MIDEAS: variants seen among roughly 807,000 people sequenced by gnomAD.
The protein encoded by MIDEAS is mitotic deacetylase-associated SANT domain protein.
Under a neutral mutation model 102.7 loss-of-function variants are expected in MIDEAS, and 26 were observed. The observed-to-expected ratio is 0.25, with a 90% CI of 0.19 to 0.35. The LOEUF (loss-of-function observed/expected upper bound fraction) is 0.35, where lower values mean the gene tolerates loss of function less well. Among genes scored for constraint, MIDEAS ranks in the 10% least tolerant of loss-of-function variants. The pLI, the probability that MIDEAS is intolerant of heterozygous loss-of-function variation, is 1.00. For synonymous variants in MIDEAS, 585 were observed against 591.0 expected, an observed-to-expected ratio of 0.99 and a Z score of 0.15; for missense variants, 1,231 against 1,435.6, an observed-to-expected ratio of 0.86 and a Z score of 2.30.
intron 1 of MIDEAS, among the ~76,000 whole-genome samples, chr14:73,748,694 G>A (rs2053383490): frequency 6.9e-6 from 1 of 145,316 alleles, no homozygotes; most frequent in Non-Finnish European, 1.5e-5. Context: ...ATTTGAACCT[G>A]AGAGGTGGAG....
intron 1 of MIDEAS, among the ~76,000 whole-genome samples, chr14:73,771,815 G>A (rs574294986): frequency 2.6e-5 from 4 of 152,332 alleles, no homozygotes; most frequent in Admixed American, 6.5e-5. Flanking sequence ...CAATGTAAGT[G>A]AGCAAGACGC....
rs892118831 is a variant in MIDEAS at position 73,716,750 on chromosome 14, T to C, written c.*2093A>G. 2.7e-5 allele frequency: 4 copies of C among 150,188 alleles called. No individual in the cohort carries two copies. The highest frequency in any genetic ancestry group is 9.9e-5 in the African/African-American group (4 of 40,520). The allele number at this position is 150,188 out of a possible 1,614,324, so 9.3% of individuals were successfully genotyped here. ...CAAGATGTTACCACTGACAAAAGGG[T>C]CTCATATGAATGATGGAGGTTTCTG... is the stretch of plus-strand genomic sequence containing the variant. On this transcript the variant is annotated 3_prime_UTR_variant, in exon 13 of 13. Transcript: ENST00000423556.
intron 1 of MIDEAS, among the ~76,000 whole-genome samples, chr14:73,745,507 C>G (rs2053339910): frequency 1.3e-5 from 2 of 152,220 alleles, no homozygotes; most frequent in South Asian, 4.1e-4. Flanking sequence ...CTGCCACCCC[C>G]ACCAGAGGAG....
At chr14:73,749,370 CAAAAA>C (rs66510432) in intron 1 of MIDEAS, among the ~76,000 whole-genome samples, 15 of 80,662 alleles carry the variant, frequency 1.9e-4, no homozygotes, top group East Asian at 5.8e-4. Context: ...CGTGTCTCTA[CAAAAA>C]AAAAAAAAAA....
intron 12 of MIDEAS, 36 bp downstream of exon 12, chr14:73,719,269 C>CG (rs2052948082): frequency 2.5e-6 from 4 of 1,600,276 alleles, no homozygotes; most frequent in Non-Finnish European, 3.4e-6. Flanking sequence ...CACCAGCCCG[C>CG]GGGGGTCCCA....
chr14:73,761,192 G>A (rs2140158275), upstream of MIDEAS, among the ~76,000 whole-genome samples: 1 of 152,264 alleles, frequency 6.6e-6, no homozygotes, highest in African/African-American at 2.4e-5. Context: ...CATGTGTCCT[G>A]GCAGCCACTT....
chr14:73,756,301 CGCGCGT>C (rs1422183272), intron 1 of MIDEAS, among the ~76,000 whole-genome samples: 927 of 85,434 alleles, frequency 0.011, 17 homozygotes, highest in African/African-American at 0.038. Flanking sequence ...TGTGTGCGCG[CGCGCGT>C]GCGCGCTGAG....
Position 73,738,925 on chromosome 14 carries a change from C to T in MIDEAS, c.1084G>A (p.Gly362Arg). 1.3e-6 allele frequency: 2 copies of T among 1,528,198 alleles called. No homozygotes were observed. The highest frequency in any genetic ancestry group is 1.8e-6 in the Non-Finnish European group (2 of 1,139,924). The allele number at this position is 1,528,198 out of a possible 1,614,324, so 94.7% of individuals were successfully genotyped here. A position where few individuals can be genotyped will look rare whatever the true frequency, so the allele number is the denominator to read the frequency against. ...TCCTGCCCAGGCTGGGTGCCAGCCC[C>T]ATCCAGGGCGCTGGGAGGCAGGATA... ...EGILPPSALD[G>R]AGTQPGQEAT... Residue 362 changes from glycine (G) to arginine (R), a missense_variant, in exon 2 of 13, where the codon GGG becomes AGG. Gly to Arg is a moderately radical substitution (Grantham distance 125). This residue lies in a region of MIDEAS where 758 missense variants were observed against 856.0 expected (regional missense o/e 0.89). Transcript: ENST00000423556.
At chr14:73,726,583 C>T in intron 7 of MIDEAS, 21 bp downstream of exon 7, 4 of 1,611,856 alleles carry the variant, frequency 2.5e-6, no homozygotes, top group Non-Finnish European at 2.5e-6. Flanking sequence ...GGCCCTCCCT[C>T]TGCTGGGGTT....
At chr14:73,769,042 C>T (rs561018242) in intron 1 of MIDEAS, among the ~76,000 whole-genome samples, 2 of 152,302 alleles carry the variant, frequency 1.3e-5, no homozygotes, top group Non-Finnish European at 2.9e-5. Flanking sequence ...CCTCTGAGTG[C>T]GTAACTCCTG....
chr14:73,759,422 T>G lies in MIDEAS; in HGVS notation c.-248+341A>C, dbSNP rs920218170. The stretch of plus-strand genomic sequence containing the variant: ...GGCCGCCGGGTGGGGAGGGCTTTCC[T>G]GGCGGGGCCGCGCCCGGGTGGGCGG... On this transcript the variant is annotated intron_variant, in intron 1 of 12. Coordinates refer to ENST00000423556, the MANE Select transcript of MIDEAS (RefSeq NM_001367710.1). This position sits in a 1 kb window ranked among gnomAD's most constrained non-coding sequence, Gnocchi z 6.7. Among the ~76,000 whole-genome samples, 1 of 150,376 alleles carries G rather than the reference T, an allele frequency of 6.6e-6. No individual in the cohort carries two copies. The highest frequency in any genetic ancestry group is 2.4e-5 in the African/African-American group (1 of 40,930).
At chr14:73,756,295 T>TGTGTGTGTGCGCGCGCGC (rs55692592) in intron 1 of MIDEAS, among the ~76,000 whole-genome samples, 2 of 127,626 alleles carry the variant, frequency 1.6e-5, no homozygotes, top group African/African-American at 5.4e-5. Flanking sequence ...TGTGTGTGTG[T>TGTGTGTGTGCGCGCGCGC]GCGCGCGCGC....
chr14:73,719,523 G>T, intron 11 of MIDEAS, 22 bp from the exon 12 acceptor site: 1 of 1,608,754 alleles, frequency 6.2e-7, no homozygotes, highest in Non-Finnish European at 8.5e-7. Flanking sequence ...CAAACAAGGA[G>T]AGTTGAGTGA....
At chr14:73,764,339 CAA>C (rs5809629), upstream of MIDEAS, among the ~76,000 whole-genome samples, 1,515 of 88,124 alleles carry the variant, frequency 0.017, 17 homozygotes, top group African/African-American at 0.063. Context: ...GACCCTGTCT[CAA>C]AAAAAAAAAA....
chr14:73,756,881 G>A (rs2053490267), intron 1 of MIDEAS, among the ~76,000 whole-genome samples: 1 of 152,226 alleles, frequency 6.6e-6, no homozygotes, highest in Non-Finnish European at 1.5e-5. Flanking sequence ...AACCAGTGAT[G>A]CAATCTGAGG....
intron 3 of MIDEAS, among the ~76,000 whole-genome samples, chr14:73,733,958 G>A (rs140821050): frequency 0.01 from 1,526 of 151,876 alleles, 20 homozygotes; most frequent in African/African-American, 0.035. Context: ...CTTCCAAAGT[G>A]CTGAGATTAC....
At chr14:73,777,007 T>C (rs542698248) in intron 1 of MIDEAS, among the ~76,000 whole-genome samples, 1 of 151,326 alleles carries the variant, frequency 6.6e-6, no homozygotes, top group Non-Finnish European at 1.5e-5. Context: ...GAGGCGGAGG[T>C]TGCAGTGAGC....
At position 73,739,285 on chromosome 14, in the gene MIDEAS, C is replaced by G. The variant is rs1186970194; in HGVS notation, c.724G>C (p.Ala242Pro). The G allele has an allele frequency of 1.2e-6, 2 of 1,611,694 alleles. No individual in the cohort carries two copies. Among genetic ancestry groups the G allele is most frequent in the Non-Finnish European group, 1.7e-6 (2 of 1,179,812 alleles). ...TGCTGCTGCTTCTGTGGAGGGAAGG[C>G]AGCCACCGGGTTTGGGGGCGGTGGG... ...QGPPPPNPVAAFPPQKQQQQQ... is the reference protein window; with the variant it reads ...QGPPPPNPVAPFPPQKQQQQQ... Residue 242 changes from alanine (A) to proline (P), a missense_variant, in exon 2 of 13, where the codon GCC becomes CCC. By Grantham distance (27) the Ala-to-Pro change is conservative. This residue lies in a region of MIDEAS where 758 missense variants were observed against 856.0 expected (regional missense o/e 0.89). Coordinates refer to ENST00000423556, the MANE Select transcript of MIDEAS (RefSeq NM_001367710.1).
chr14:73,753,549 G>C (rs574860103), intron 1 of MIDEAS, among the ~76,000 whole-genome samples: 2 of 152,346 alleles, frequency 1.3e-5, no homozygotes, highest in African/African-American at 4.8e-5. Context: ...GCCTGGCACA[G>C]GGTACGCACT....
Sources: allele counts gnomAD v4.1 joint callset (sites outside exome capture counted in the v4.1 genomes callset), GRCh38; gene constraint gnomAD v4.1.1; regional missense constraint gnomAD v4.1.1; non-coding constraint Gnocchi (gnomAD v3.1); transcripts MANE v1.5; gene names NCBI Gene and HGNC (gene_info 2026-07-23, HGNC 2026-07-21).